Variants in OR4N2 observed in about 807,000 individuals in gnomAD.
OR4N2 encodes olfactory receptor family 4 subfamily N member 2, also known as olfactory receptor 4N2.
For missense variants in OR4N2, 307 were observed against 377.6 expected (o/e 0.81, Z 1.55); for synonymous variants, 141 against 140.4 (o/e 1.00, Z -0.03).
intron 1 of OR4N2, among the ~76,000 whole-genome samples, chr14:19,812,329 C>CTTTTTTTT (rs3078143): frequency 4.3e-5 from 5 of 117,436 alleles, no homozygotes; most frequent in Admixed American, 9.6e-5. Flanking sequence ...CTTTTCTTTT[C>CTTTTTTTT]TTTTTTTTTT....
intron 1 of OR4N2, among the ~76,000 whole-genome samples, chr14:19,816,539 G>C (rs1879432456): frequency 6.6e-6 from 1 of 152,238 alleles, no homozygotes; most frequent in Admixed American, 6.5e-5. Flanking sequence ...TTTGCACATT[G>C]ATTTTGTATC....
At chr14:19,824,778 T>C (rs1879650920) in intron 1 of OR4N2, among the ~76,000 whole-genome samples, 2 of 152,396 alleles carry the variant, frequency 1.3e-5, no homozygotes, top group African/African-American at 4.8e-5. Context: ...TTATTTTCTG[T>C]AGCTTAGTTT....
At chr14:19,818,665 G>A (rs1251216756) in intron 1 of OR4N2, among the ~76,000 whole-genome samples, 1 of 152,094 alleles carries the variant, frequency 6.6e-6, no homozygotes, top group Non-Finnish European at 1.5e-5. Flanking sequence ...TCTAACTGGG[G>A]ACTTAACCCA....
At chr14:19,813,686 C>A (rs1879356663) in intron 1 of OR4N2, among the ~76,000 whole-genome samples, 2 of 152,070 alleles carry the variant, frequency 1.3e-5, no homozygotes, top group South Asian at 4.1e-4. Flanking sequence ...TATAGAAATT[C>A]TAGTTACTCA....
At chr14:19,825,866 A>G (rs1415358800) in intron 1 of OR4N2, among the ~76,000 whole-genome samples, 3 of 152,206 alleles carry the variant, frequency 2.0e-5, no homozygotes, top group Non-Finnish European at 4.4e-5. Flanking sequence ...CCGCTAGAGC[A>G]CTTATTTAAA....
chr14:19,825,403 A>G (rs1215149493), intron 1 of OR4N2, among the ~76,000 whole-genome samples: 25 of 152,040 alleles, frequency 1.6e-4, no homozygotes, highest in African/African-American at 5.8e-4. Flanking sequence ...TTGATTTTCT[A>G]TTTCTCTCTT....
intron 1 of OR4N2, among the ~76,000 whole-genome samples, chr14:19,808,000 T>C (rs1200285653): frequency 1.3e-5 from 2 of 152,186 alleles, no homozygotes; most frequent in African/African-American, 4.8e-5. Flanking sequence ...ATCATCTCAA[T>C]AGATGCAGAA....
At chr14:19,824,661 C>T (rs1227411669) in intron 1 of OR4N2, among the ~76,000 whole-genome samples, 9 of 152,252 alleles carry the variant, frequency 5.9e-5, no homozygotes, top group Non-Finnish European at 1.0e-4. Flanking sequence ...CCTTCTCCTC[C>T]TCAGCCTACT....
intron 1 of OR4N2, among the ~76,000 whole-genome samples, chr14:19,818,240 CT>C (rs1444158263): frequency 3.1e-4 from 47 of 152,218 alleles, no homozygotes; most frequent in African/African-American, 1.1e-3. Context: ...CCTGAATATC[CT>C]TGTTAATTTT....
At chr14:19,815,879 G>T (rs376447380) in intron 1 of OR4N2, among the ~76,000 whole-genome samples, 4 of 152,210 alleles carry the variant, frequency 2.6e-5, no homozygotes, top group African/African-American at 7.2e-5. Context: ...TTTGTATAAG[G>T]TGTAAGGAAG....
chr14:19,814,087 G>T (rs1295816729), intron 1 of OR4N2, among the ~76,000 whole-genome samples: 2 of 151,730 alleles, frequency 1.3e-5, no homozygotes, highest in African/African-American at 4.8e-5. Context: ...TATTTCACTT[G>T]TAAAGTGACC....
At chr14:19,822,898 A>T (rs1056646845) in intron 1 of OR4N2, among the ~76,000 whole-genome samples, 1 of 152,266 alleles carries the variant, frequency 6.6e-6, no homozygotes, top group Non-Finnish European at 1.5e-5. Context: ...TCACACAATA[A>T]GTTAATTGCT....
chr14:19,814,847 A>G (rs566339902), intron 1 of OR4N2, among the ~76,000 whole-genome samples: 13 of 151,000 alleles, frequency 8.6e-5, no homozygotes, highest in African/African-American at 2.9e-4. Context: ...ACAGGCCCCC[A>G]TGTGGGATAT....
At position 19,819,252 on chromosome 14, in the gene OR4N2, T is replaced by A. The variant is rs574144842; in HGVS notation, c.-9-8188T>A. 2.1e-4 allele frequency among the ~76,000 whole-genome samples: 32 copies of A among 152,382 alleles called. No homozygotes were observed. In the South Asian group the frequency reaches 6.6e-3, roughly 32 times the overall value. ...GGCCTGTCTTGCTAGGTTGGGGAAGTTCTCCTGGATAATATCCTGAAGAGT... is the reference window on the plus strand; with the variant it reads ...GGCCTGTCTTGCTAGGTTGGGGAAGATCTCCTGGATAATATCCTGAAGAGT... On this transcript the variant is annotated intron_variant, in intron 1 of 1. Coordinates refer to ENST00000557677, the MANE Select transcript of OR4N2 (RefSeq NM_001004723.3).
intron 1 of OR4N2, among the ~76,000 whole-genome samples, chr14:19,812,581 G>A (rs112341289): frequency 0.02 from 3,057 of 151,542 alleles, 25 homozygotes; most frequent in African/African-American, 0.067. Context: ...AATGGTCTCG[G>A]TCTCCTGACT....
chr14:19,827,319 G>T (rs1337797964), intron 1 of OR4N2, 121 bp from the exon 2 acceptor site: 11 of 834,078 alleles, frequency 1.3e-5, no homozygotes, highest in Non-Finnish European at 2.0e-5. Context: ...ATAGGAGAGG[G>T]ATGGGAAATG....
At chr14:19,810,407 A>G (rs1460173278) in intron 1 of OR4N2, among the ~76,000 whole-genome samples, 3 of 152,256 alleles carry the variant, frequency 2.0e-5, no homozygotes, top group African/African-American at 4.8e-5. Flanking sequence ...AAATTAGTTC[A>G]GCCATTGTGG....
chr14:19,804,648 T>A (rs1244802378), intron 1 of OR4N2, among the ~76,000 whole-genome samples: 2 of 152,272 alleles, frequency 1.3e-5, no homozygotes, highest in African/African-American at 4.8e-5. Flanking sequence ...ATGTGCCATA[T>A]GCAGATGAGA....
chr14:19,824,740 C>A (rs567715902), intron 1 of OR4N2, among the ~76,000 whole-genome samples: 71 of 152,234 alleles, frequency 4.7e-4, no homozygotes, highest in Non-Finnish European at 9.0e-4. Flanking sequence ...GTATTTATAT[C>A]TTCCTTTCCT....
Sources: allele counts gnomAD v4.1 joint callset (sites outside exome capture counted in the v4.1 genomes callset), GRCh38; gene constraint gnomAD v4.1.1; transcripts MANE v1.5; gene names NCBI Gene and HGNC (gene_info 2026-07-23, HGNC 2026-07-21).